AASS: variants seen among roughly 807,000 people sequenced by gnomAD.
AASS encodes the protein alpha-aminoadipic semialdehyde synthase, mitochondrial.
In AASS, 86 loss-of-function variants were observed where a neutral mutation model predicts 105.4. The observed-to-expected ratio is 0.82, with a 90% CI of 0.69 to 0.98. The LOEUF is 0.98. Among genes scored for constraint, AASS ranks in the 50% least tolerant of loss-of-function variants. AASS has a pLI of 0.00. For synonymous variants in AASS, 381 were observed against 394.8 expected, an observed-to-expected ratio of 0.96 and a Z score of 0.41; for missense variants, 1,048 against 1,143.2, an observed-to-expected ratio of 0.92 and a Z score of 1.20.
At chr7:122,101,147 G>A (rs1794409972) in intron 13 of AASS, among the ~76,000 whole-genome samples, 1 of 148,856 alleles carries the variant, frequency 6.7e-6, no homozygotes, top group Non-Finnish European at 1.5e-5. Flanking sequence ...GTCTACACAG[G>A]CTATTAGAAA....
intron 20 of AASS, 148 bp from the exon 21 acceptor site, chr7:122,079,860 T>C (rs917593850): frequency 3.4e-5 from 22 of 645,490 alleles, no homozygotes; most frequent in African/African-American, 5.5e-5. Flanking sequence ...TTGTAACACA[T>C]ACACACACAT....
chr7:122,121,671 C>T (rs188484368), intron 4 of AASS, among the ~76,000 whole-genome samples: 23 of 152,158 alleles, frequency 1.5e-4, no homozygotes, highest in African/African-American at 5.5e-4. Flanking sequence ...GCGACTGGGC[C>T]CAGCCCTAAA....
chr7:122,118,226 C>G, intron 6 of AASS, 81 bp downstream of exon 6: 4 of 1,517,794 alleles, frequency 2.6e-6, no homozygotes, highest in Non-Finnish European at 3.6e-6. Context: ...TTTGAAATAC[C>G]CACAAAATGG....
intron 3 of AASS, among the ~76,000 whole-genome samples, chr7:122,128,511 A>G (rs1795760019): frequency 6.6e-6 from 1 of 152,114 alleles, no homozygotes; most frequent in South Asian, 2.1e-4. Flanking sequence ...TTTCTCCTTC[A>G]ATATTATATT....
chr7:122,078,925 C>T lies in AASS; in HGVS notation c.2422G>A (p.Val808Ile), dbSNP rs1793172237. 9 of 1,614,022 alleles carry T rather than the reference C, an allele frequency of 5.6e-6. No homozygotes were observed. The highest frequency in any genetic ancestry group is 7.6e-6 in the Non-Finnish European group (9 of 1,180,030). The change falls in exon 22 of 24, where the codon GTT becomes ATT. Residue 808 changes from valine (V) to isoleucine (I), a missense_variant. Coordinates refer to ENST00000417368, the MANE Select transcript of AASS (RefSeq NM_005763.4). ...TCCAGAATGGACTCTGCCTGAGGAA[C>T]TTGTTCATCCCCAAGTAAGCCCAAC... ...EWLGLLGDEQVPQAESILDAL... is the reference protein window; with the variant it reads ...EWLGLLGDEQIPQAESILDAL...
At position 122,113,249 on chromosome 7, in the gene AASS, T is replaced by C; in HGVS notation, c.1167-20A>G. The C allele has an allele frequency of 6.2e-7, 1 of 1,600,304 alleles. No individual in the cohort carries two copies. Among genetic ancestry groups the C allele is most frequent in the South Asian group, 1.1e-5 (1 of 90,750 alleles). On this transcript the variant is annotated intron_variant, in intron 10 of 23. Coordinates refer to ENST00000417368, the MANE Select transcript of AASS (RefSeq NM_005763.4). ...TCAACACTAAAAGCAGCAATGTGGTTTATTCAGAAGCACAAAACATTATTT... is the reference window on the plus strand; with the variant it reads ...TCAACACTAAAAGCAGCAATGTGGTCTATTCAGAAGCACAAAACATTATTT...
intron 8 of AASS, among the ~76,000 whole-genome samples, chr7:122,115,922 T>A (rs918440507): frequency 1.3e-5 from 2 of 152,174 alleles, no homozygotes; most frequent in African/African-American, 4.8e-5. Flanking sequence ...ATATAAGGGC[T>A]AAACTTCATA....
chr7:122,095,581 TAA>T (rs5887069), intron 15 of AASS, among the ~76,000 whole-genome samples: 38,166 of 146,046 alleles, frequency 0.26, 5,022 homozygotes, highest in African/African-American at 0.32. Context: ...CTCTACTTCA[TAA>T]AAAAAAAAAA....
chr7:122,121,742 T>A (rs1795450129), intron 4 of AASS, among the ~76,000 whole-genome samples: 1 of 152,164 alleles, frequency 6.6e-6, no homozygotes, highest in Non-Finnish European at 1.5e-5. Flanking sequence ...CCATTTGTAG[T>A]GTTCTTTATT....
At chr7:122,089,841 T>A (rs1307480369) in intron 18 of AASS, among the ~76,000 whole-genome samples, 1 of 152,164 alleles carries the variant, frequency 6.6e-6, no homozygotes, top group Non-Finnish European at 1.5e-5. Flanking sequence ...CTTTAGCATT[T>A]ATAAGGCCTC....
rs548431281 is a variant in AASS at position 122,104,476 on chromosome 7, A to G, written c.1279-2796T>C. 4.6e-5 allele frequency among the ~76,000 whole-genome samples: 7 copies of G among 152,140 alleles called. 1 individual carries two copies. In the East Asian group the frequency reaches 1.4e-3, roughly 30 times the overall value. ...CCAGGCTTGGTGGTGGGCACCTGTA[A>G]TCCCATCTACTGGGGAAGCTGAGGC... On this transcript the variant is annotated intron_variant, in intron 11 of 23. Transcript: ENST00000417368.
chr7:122,126,602 C>T lies in AASS; in HGVS notation c.388-143G>A. On this transcript the variant is annotated intron_variant, in intron 3 of 23. Coordinates refer to ENST00000417368, the MANE Select transcript of AASS (RefSeq NM_005763.4). ...CTAACAGAAGCTACCATCAGGTATA[C>T]CATGAAATATTTAGAAAACGCCAGG... 3 of 728,218 alleles carry T rather than the reference C, an allele frequency of 4.1e-6. No individual in the cohort carries two copies. In the East Asian group the frequency reaches 8.0e-5, roughly 19 times the overall value. 45.1% of individuals were successfully genotyped at this position (728,218 alleles called of 1,614,324 possible).
In AASS at chr7:122,093,152, C is replaced by T; in HGVS notation, c.1662G>A (p.Leu554=). Residue 554 remains leucine (L), a synonymous_variant, in exon 16 of 24, where the codon TTG becomes TTA. Transcript: ENST00000417368. The part of the protein sequence containing the change: ...VAKQDLVISL[L]PYVLHPLVAK... ...CCACAAGAGGGTGCAATACATAAGG[C>T]AACAAGCTTGAAAACAGGAAGAAAC... is the stretch of plus-strand genomic sequence containing the variant. 6.2e-7 allele frequency: 1 copy of T among 1,612,796 alleles called. No homozygotes were observed. The highest frequency in any genetic ancestry group is 1.1e-5 in the South Asian group (1 of 91,058).
intron 11 of AASS, among the ~76,000 whole-genome samples, chr7:122,111,679 G>A (rs1192673827): frequency 6.6e-6 from 1 of 152,054 alleles, no homozygotes; most frequent in African/African-American, 2.4e-5. Flanking sequence ...CGAGGCGGGT[G>A]GATCACGAGG....
At chr7:122,140,240 C>T (rs148071904) in intron 1 of AASS, among the ~76,000 whole-genome samples, 2 of 152,044 alleles carry the variant, frequency 1.3e-5, no homozygotes, top group East Asian at 1.9e-4. Context: ...AATCCCAGCA[C>T]TTTGGGAGGC....
At position 122,086,185 on chromosome 7, in the gene AASS, G is replaced by T; in HGVS notation, c.2017-6C>A. ...CCTCCTGCAACATTCACAACCTGAG[G>T]AACATTGAGAAGGCACACATGGGGT... is the stretch of plus-strand genomic sequence containing the variant. On this transcript the variant is annotated splice_region_variant and splice_polypyrimidine_tract_variant and intron_variant, in intron 18 of 23. Transcript: ENST00000417368. The T allele has an allele frequency of 6.2e-7, 1 of 1,612,588 alleles. No homozygotes were observed. Among genetic ancestry groups the T allele is most frequent in the South Asian group, 1.1e-5 (1 of 90,930 alleles).
intron 18 of AASS, among the ~76,000 whole-genome samples, chr7:122,091,089 GA>G (rs1284106839): frequency 6.6e-6 from 1 of 151,996 alleles, no homozygotes; most frequent in African/African-American, 2.4e-5. Context: ...GGCAAAAGGA[GA>G]AAAAAAGCCT....
chr7:122,143,985 C>T (rs985966379), intron 1 of AASS, among the ~76,000 whole-genome samples, 176 bp downstream of exon 1: 3 of 152,212 alleles, frequency 2.0e-5, no homozygotes, highest in African/African-American at 7.2e-5. Flanking sequence ...TGCTCGCCGC[C>T]TTCTCCCTCT....
intron 17 of AASS, among the ~76,000 whole-genome samples, chr7:122,092,457 G>C (rs1793949321): frequency 6.6e-6 from 1 of 152,060 alleles, no homozygotes; most frequent in African/African-American, 2.4e-5. Context: ...TATTTTTGCA[G>C]TTATAAGATA....
Sources: gnomAD v4.1 joint callset for allele counts (sites outside exome capture counted in the v4.1 genomes callset) on GRCh38, gnomAD v4.1.1 for gene constraint, MANE v1.5 for transcripts, NCBI Gene and HGNC (gene_info 2026-07-23, HGNC 2026-07-21) for gene names.